The following CCDC178 variants were observed in gnomAD, a reference collection of about 807,000 sequenced individuals.
CCDC178 encodes the protein coiled-coil domain-containing protein 178.
A neutral mutation model predicts 117.4 loss-of-function variants in CCDC178; 126 were observed. The observed-to-expected ratio is 1.07, with a 90% CI of 0.93 to 1.24. The LOEUF (loss-of-function observed/expected upper bound fraction) is 1.24, where lower values mean the gene tolerates loss of function less well. CCDC178 is among the 50% of genes most tolerant of loss of function. The probability of loss-of-function intolerance (pLI) is 0.00; values close to 1 mark genes in which losing one functional copy is unlikely to be tolerated. For synonymous variants in CCDC178, 283 were observed against 313.4 expected (o/e 0.90, Z 1.02); for missense variants, 1,030 against 986.9 (o/e 1.04, Z -0.59).
At chr18:33,108,740 A>G (rs1271668494) in intron 20 of CCDC178, among the ~76,000 whole-genome samples, 1 of 151,714 alleles carries the variant, frequency 6.6e-6, no homozygotes, top group Non-Finnish European at 1.5e-5. Flanking sequence ...AAGTCTCTCT[A>G]GCCAATAACT....
At chr18:33,176,307 C>A (rs945192139) in intron 20 of CCDC178, among the ~76,000 whole-genome samples, 5 of 152,108 alleles carry the variant, frequency 3.3e-5, no homozygotes, top group South Asian at 2.1e-4. Flanking sequence ...GCTCTGTAAC[C>A]CCCTGAACTC....
At chr18:33,060,101 T>C (rs2056898652) in intron 21 of CCDC178, among the ~76,000 whole-genome samples, 1 of 152,126 alleles carries the variant, frequency 6.6e-6, no homozygotes, top group South Asian at 2.1e-4. Context: ...TATAGGTATC[T>C]ACTTTTTTGT....
intron 11 of CCDC178, among the ~76,000 whole-genome samples, chr18:33,317,035 A>G (rs2062428741): frequency 6.6e-6 from 1 of 152,170 alleles, no homozygotes; most frequent in Non-Finnish European, 1.5e-5. Context: ...TGGACTAATC[A>G]GCAGGATGTG....
chr18:33,352,812 G>T lies in CCDC178; in HGVS notation c.371+3512C>A, dbSNP rs377037288. Among the ~76,000 whole-genome samples the T allele has an allele frequency of 3.0e-3, 455 of 152,198 alleles. 2 individuals are homozygous for T. Among genetic ancestry groups the T allele is most frequent in the African/African-American group, 0.01 (432 of 41,558 alleles). Reference sequence around the variant, plus strand: ...ATTTTGATCTTTTTCGTTTCATTGAGATTTATTTTGTGGCATAATATATGA... The same window carrying T: ...ATTTTGATCTTTTTCGTTTCATTGATATTTATTTTGTGGCATAATATATGA... On this transcript the variant is annotated intron_variant, in intron 7 of 22. Transcript: ENST00000383096.
intron 15 of CCDC178, among the ~76,000 whole-genome samples, chr18:33,229,135 T>C (rs2059342004): frequency 6.6e-6 from 1 of 152,120 alleles, no homozygotes; most frequent in Non-Finnish European, 1.5e-5. Context: ...AGGAGAGGAA[T>C]GAAGCAGGAT....
intron 20 of CCDC178, among the ~76,000 whole-genome samples, chr18:33,175,797 C>A (rs2058658102): frequency 6.6e-6 from 1 of 152,088 alleles, no homozygotes. Flanking sequence ...TGGTCTCTAC[C>A]CCATATGCTG....
intron 22 of CCDC178, among the ~76,000 whole-genome samples, chr18:32,970,175 A>G (rs2054896092): frequency 6.6e-6 from 1 of 151,932 alleles, no homozygotes; most frequent in African/African-American, 2.4e-5. Context: ...TGTTCCAGTT[A>G]TAACTCATCT....
At chr18:33,264,330 T>C (rs993109954) in intron 14 of CCDC178, among the ~76,000 whole-genome samples, 16 of 152,068 alleles carry the variant, frequency 1.1e-4, no homozygotes, top group African/African-American at 3.6e-4. Flanking sequence ...TATGAATTGG[T>C]AATTATCTCT....
At chr18:33,126,409 T>C (rs1488103182) in intron 20 of CCDC178, among the ~76,000 whole-genome samples, 2 of 148,708 alleles carry the variant, frequency 1.3e-5, no homozygotes, top group African/African-American at 4.9e-5. Flanking sequence ...ATACACATAT[T>C]AAATATAAAT....
intron 22 of CCDC178, among the ~76,000 whole-genome samples, chr18:32,950,067 T>C (rs1210632892): frequency 6.6e-6 from 1 of 152,200 alleles, no homozygotes; most frequent in Non-Finnish European, 1.5e-5. Context: ...AACAACCAGA[T>C]ACTATTTCCA....
At chr18:33,010,321 C>T (rs1394392536) in intron 21 of CCDC178, among the ~76,000 whole-genome samples, 3 of 152,070 alleles carry the variant, frequency 2.0e-5, no homozygotes, top group Non-Finnish European at 4.4e-5. Context: ...AAAGTATTCC[C>T]CTCAGATTCC....
chr18:33,189,667 A>T (rs1371139964), intron 20 of CCDC178, among the ~76,000 whole-genome samples: 2 of 152,194 alleles, frequency 1.3e-5, no homozygotes, highest in African/African-American at 4.8e-5. Flanking sequence ...GAATCAGAAG[A>T]AGTATTTGCA....
intron 8 of CCDC178, 108 bp downstream of exon 8, chr18:33,348,782 A>C: frequency 2.8e-6 from 2 of 710,666 alleles, no homozygotes; most frequent in Non-Finnish European, 4.8e-6. Context: ...CATTCATAAT[A>C]ATTATAAAAT....
intron 21 of CCDC178, among the ~76,000 whole-genome samples, chr18:33,013,301 C>T (rs1461551206): frequency 1.3e-5 from 2 of 152,104 alleles, no homozygotes; most frequent in Admixed American, 1.3e-4. Context: ...TTTCAGGATC[C>T]AGGACTGTTT....
At chr18:32,944,341 T>C (rs947130672) in intron 22 of CCDC178, among the ~76,000 whole-genome samples, 5 of 152,142 alleles carry the variant, frequency 3.3e-5, no homozygotes, top group African/African-American at 1.2e-4. Flanking sequence ...ATATCAGTGT[T>C]CAGAACTCAG....
At chr18:33,323,008 G>C (rs1283902308) in intron 11 of CCDC178, 1 of 150,862 alleles carries the variant, frequency 6.6e-6, no homozygotes, top group Non-Finnish European at 1.5e-5. Context: ...AACAAATGTA[G>C]AAAAGAAAAA....
intron 21 of CCDC178, among the ~76,000 whole-genome samples, chr18:33,055,652 C>T (rs1027789830): frequency 6.6e-6 from 1 of 152,072 alleles, no homozygotes; most frequent in East Asian, 1.9e-4. Flanking sequence ...TATGAATGTT[C>T]TCTAACACTT....
chr18:33,300,841 G>A (rs1210427240), intron 11 of CCDC178, among the ~76,000 whole-genome samples: 1 of 152,214 alleles, frequency 6.6e-6, no homozygotes, highest in Non-Finnish European at 1.5e-5. Context: ...AAGGGAAGCA[G>A]AGAGTAAAAG....
chr18:33,260,893 T>C (rs1171967357), intron 14 of CCDC178, among the ~76,000 whole-genome samples: 1 of 152,208 alleles, frequency 6.6e-6, no homozygotes, highest in Non-Finnish European at 1.5e-5. Flanking sequence ...GATTTTGGAC[T>C]TTCTACTCAT....
Sources: allele counts gnomAD v4.1 joint callset (sites outside exome capture counted in the v4.1 genomes callset), GRCh38; gene constraint gnomAD v4.1.1; transcripts MANE v1.5; gene names NCBI Gene and HGNC (gene_info 2026-07-23, HGNC 2026-07-21).